The following DLGAP1 variants were observed in gnomAD, a reference collection of about 807,000 sequenced individuals.
DLGAP1 encodes DLG associated protein 1, also known as disks large-associated protein 1.
In DLGAP1, 11 loss-of-function variants were observed where a neutral mutation model predicts 90.8. The observed-to-expected ratio is 0.12, with a 90% CI of 0.08 to 0.20. The LOEUF (loss-of-function observed/expected upper bound fraction) is 0.20, where lower values mean the gene tolerates loss of function less well. Among genes scored for constraint, DLGAP1 ranks in the 10% least tolerant of loss-of-function variants. The probability of loss-of-function intolerance (pLI) is 1.00; values close to 1 mark genes in which losing one functional copy is unlikely to be tolerated. For synonymous variants in DLGAP1, 558 were observed against 540.7 expected (o/e 1.03, Z -0.44); for missense variants, 1,050 against 1,333.8 (o/e 0.79, Z 3.31).
At chr18:4,316,345 T>C (rs1406445992) in intron 1 of DLGAP1, among the ~76,000 whole-genome samples, 7 of 152,152 alleles carry the variant, frequency 4.6e-5, no homozygotes, top group Non-Finnish European at 5.9e-5. Context: ...CCGTACACTA[T>C]AGAAAACAAG....
intron 1 of DLGAP1, among the ~76,000 whole-genome samples, chr18:4,419,736 T>C (rs1349025273): frequency 1.3e-5 from 2 of 152,036 alleles, no homozygotes; most frequent in African/African-American, 4.8e-5. Context: ...TTGATATTTA[T>C]TGCAAATCAC....
intron 10 of DLGAP1, among the ~76,000 whole-genome samples, chr18:3,512,578 T>C (rs1380091450): frequency 6.6e-6 from 1 of 152,212 alleles, no homozygotes; most frequent in Non-Finnish European, 1.5e-5. Flanking sequence ...TGGGAGGCCT[T>C]TGTGAACATG....
intron 2 of DLGAP1, among the ~76,000 whole-genome samples, chr18:4,033,603 A>G (rs949393801): frequency 4.6e-5 from 7 of 152,236 alleles, no homozygotes; most frequent in African/African-American, 1.7e-4. Flanking sequence ...CCAGCAATGT[A>G]GAGCATATGC....
chr18:3,873,739 TACCTTATTTAAGCAG>T (rs1324938653), intron 4 of DLGAP1, among the ~76,000 whole-genome samples: 2 of 152,124 alleles, frequency 1.3e-5, no homozygotes, highest in Admixed American at 6.6e-5. Context: ...TCTTGTGTGG[TACCTTATTTAAGCAG>T]ACCCCCACCC....
chr18:3,818,952 T>C (rs1266430739), intron 4 of DLGAP1, among the ~76,000 whole-genome samples: 2 of 151,976 alleles, frequency 1.3e-5, no homozygotes, highest in Non-Finnish European at 2.9e-5. Context: ...TGGGCTCTGC[T>C]GGAAGTGGAG....
chr18:3,523,110 C>A (rs977884455), intron 10 of DLGAP1, among the ~76,000 whole-genome samples: 2 of 152,146 alleles, frequency 1.3e-5, no homozygotes, highest in Non-Finnish European at 2.9e-5. Context: ...CAGTGGCTCA[C>A]GCCTGTAATC....
intron 1 of DLGAP1, among the ~76,000 whole-genome samples, chr18:4,246,830 C>T (rs2078662367): frequency 6.6e-6 from 1 of 151,948 alleles, no homozygotes; most frequent in Non-Finnish European, 1.5e-5. Flanking sequence ...TTTGTTGTGA[C>T]ATTTGTTAGC....
intron 6 of DLGAP1, among the ~76,000 whole-genome samples, chr18:3,737,362 C>T (rs1340750231): frequency 1.3e-5 from 2 of 150,748 alleles, no homozygotes; most frequent in African/African-American, 4.9e-5. Flanking sequence ...AACATTGATG[C>T]AAAAATCCTC....
intron 10 of DLGAP1, among the ~76,000 whole-genome samples, chr18:3,533,795 A>G (rs1192521167): frequency 6.6e-6 from 1 of 152,114 alleles, no homozygotes; most frequent in Non-Finnish European, 1.5e-5. Flanking sequence ...TATATAGTAG[A>G]TGTATATATT....
chr18:3,661,571 C>CTTTTTTT (rs10549959), intron 7 of DLGAP1, among the ~76,000 whole-genome samples: 19 of 125,286 alleles, frequency 1.5e-4, no homozygotes, highest in African/African-American at 5.4e-4. Flanking sequence ...GCTGTAAGGT[C>CTTTTTTT]TTTTTTTTTT....
intron 1 of DLGAP1, among the ~76,000 whole-genome samples, chr18:4,240,149 C>T (rs1363134977): frequency 6.6e-6 from 1 of 152,070 alleles, no homozygotes; most frequent in Non-Finnish European, 1.5e-5. Context: ...TTTTAATAGG[C>T]CAGGAAATCC....
intron 1 of DLGAP1, among the ~76,000 whole-genome samples, chr18:4,403,536 T>A (rs8086692): frequency 0.47 from 70,690 of 151,976 alleles, 16,539 homozygotes; most frequent in South Asian, 0.49. Flanking sequence ...ATGCTTTAAA[T>A]TACGCACAAA....
intron 2 of DLGAP1, among the ~76,000 whole-genome samples, chr18:4,042,101 C>G (rs2074983809): frequency 6.6e-6 from 1 of 152,130 alleles, no homozygotes; most frequent in Non-Finnish European, 1.5e-5. Context: ...ATACATGATC[C>G]TGTAATTGAT....
chr18:3,508,315 T>G (rs1413106972), intron 11 of DLGAP1, among the ~76,000 whole-genome samples: 2 of 152,200 alleles, frequency 1.3e-5, no homozygotes, highest in African/African-American at 4.8e-5. Context: ...ATGGAAAATT[T>G]TCAGTTACAA....
chr18:4,144,259 G>A (rs2076544046), intron 2 of DLGAP1, among the ~76,000 whole-genome samples: 2 of 152,184 alleles, frequency 1.3e-5, no homozygotes, highest in African/African-American at 4.8e-5. Context: ...CCACAGTGGT[G>A]AGGCTTGCCA....
chr18:3,777,507 T>C (rs538654443), intron 5 of DLGAP1, among the ~76,000 whole-genome samples: 1 of 152,256 alleles, frequency 6.6e-6, no homozygotes, highest in Non-Finnish European at 1.5e-5. Context: ...TATAAGTTTA[T>C]ATCTTAAAAT....
chr18:4,411,857 A>C (rs1301131407), intron 1 of DLGAP1, among the ~76,000 whole-genome samples: 4 of 152,198 alleles, frequency 2.6e-5, no homozygotes, highest in Non-Finnish European at 4.4e-5. Context: ...GAAATCTGCC[A>C]GTCCTTTAAT....
chr18:4,213,247 G>A (rs1189490704), intron 1 of DLGAP1, among the ~76,000 whole-genome samples: 1 of 152,162 alleles, frequency 6.6e-6, no homozygotes, highest in Non-Finnish European at 1.5e-5. Context: ...CCATTGAAGG[G>A]TTTGGAGGAG....
intron 1 of DLGAP1, among the ~76,000 whole-genome samples, chr18:4,339,928 G>C (rs2081152799): frequency 6.6e-6 from 1 of 152,074 alleles, no homozygotes; most frequent in African/African-American, 2.4e-5. Context: ...TAAACTACAA[G>C]ATTTTAGACT....
Sources: gnomAD v4.1 joint callset for allele counts (sites outside exome capture counted in the v4.1 genomes callset) on GRCh38, gnomAD v4.1.1 for gene constraint, MANE v1.5 for transcripts, NCBI Gene and HGNC (gene_info 2026-07-23, HGNC 2026-07-21) for gene names.